The following NAALADL2 variants were observed in gnomAD, a reference collection of about 807,000 sequenced individuals.
The protein encoded by NAALADL2 is N-acetylated alpha-linked acidic dipeptidase like 2.
In NAALADL2, 76 loss-of-function variants were observed where a neutral mutation model predicts 87.2. The ratio of observed to expected loss-of-function variants is 0.87; its 90% CI spans 0.72 to 1.05. The LOEUF (loss-of-function observed/expected upper bound fraction) is 1.05. NAALADL2 is among the 50% of genes least tolerant of loss of function. NAALADL2 has a pLI of 0.00. For missense variants in NAALADL2, 1,089 were observed against 945.8 expected, an observed-to-expected ratio of 1.15 and a Z score of -1.99; for synonymous variants, 354 against 331.0, an observed-to-expected ratio of 1.07 and a Z score of -0.75.
chr3:175,578,010 C>T (rs887340002), intron 10 of NAALADL2, among the ~76,000 whole-genome samples: 7 of 151,900 alleles, frequency 4.6e-5, no homozygotes, highest in African/African-American at 7.3e-5. Flanking sequence ...CAAATATATA[C>T]GGAAAATAGA....
intron 3 of NAALADL2, among the ~76,000 whole-genome samples, chr3:174,772,627 T>C (rs146734514): frequency 5.2e-4 from 79 of 152,302 alleles, no homozygotes; most frequent in Middle Eastern, 3.4e-3. Flanking sequence ...AACATCATAA[T>C]AACTCTGACC....
chr3:174,882,885 A>G (rs1729593278), intron 1 of NAALADL2, among the ~76,000 whole-genome samples: 1 of 149,038 alleles, frequency 6.7e-6, no homozygotes, highest in South Asian at 2.1e-4. Context: ...GTATATGTGT[A>G]TATATGTATA....
intron 1 of NAALADL2, among the ~76,000 whole-genome samples, chr3:175,088,082 A>G (rs1391750148): frequency 1.3e-5 from 2 of 152,150 alleles, no homozygotes; most frequent in African/African-American, 4.8e-5. Context: ...TATAAAATTA[A>G]TATATATGAT....
intron 5 of NAALADL2, among the ~76,000 whole-genome samples, chr3:175,446,945 C>A (rs970095970): frequency 2.0e-4 from 31 of 152,100 alleles, no homozygotes; most frequent in African/African-American, 7.0e-4. Flanking sequence ...CTTTCTCATT[C>A]TTTTGTCATC....
intron 1 of NAALADL2, among the ~76,000 whole-genome samples, chr3:175,033,559 C>G (rs1397279987): frequency 6.6e-6 from 1 of 152,078 alleles, no homozygotes; most frequent in African/African-American, 2.4e-5. Flanking sequence ...CTCCAGGTGC[C>G]TGATCCCATA....
rs563717035 is a variant in NAALADL2 at position 175,247,521 on chromosome 3, A to G, written c.820-8890A>G. Among the ~76,000 whole-genome samples, 9 of 152,220 alleles carry G rather than the reference A, an allele frequency of 5.9e-5. 1 individual carries two copies. The East Asian group carries it at 1.4e-3, about 23-fold the overall frequency. ...AATCCGGGAAAGAGGGTGTATTTCT[A>G]ATAACAAGGAACAGCTAAATCCAAG... On this transcript the variant is annotated intron_variant, in intron 3 of 13. Transcript: ENST00000454872.
At chr3:175,499,325 C>G (rs1283460576) in intron 9 of NAALADL2, among the ~76,000 whole-genome samples, 1 of 152,100 alleles carries the variant, frequency 6.6e-6, no homozygotes, top group East Asian at 1.9e-4. Flanking sequence ...TTTCACCAAA[C>G]ATTTAAACTT....
chr3:175,089,825 G>C (rs1719742820), intron 1 of NAALADL2, among the ~76,000 whole-genome samples: 1 of 152,166 alleles, frequency 6.6e-6, no homozygotes, highest in African/African-American at 2.4e-5. Context: ...ACTGAGATCA[G>C]GCAAATGCTG....
chr3:174,674,773 A>T lies in NAALADL2; in HGVS notation c.-114-62868A>T, dbSNP rs141757922. Among the ~76,000 whole-genome samples, 711 of 151,696 alleles carry T rather than the reference A, an allele frequency of 4.7e-3. 1 individual carries two copies. Among genetic ancestry groups the T allele is most frequent in the Non-Finnish European group, 8.7e-3 (590 of 67,846 alleles). On this transcript the variant is annotated intron_variant, in intron 2 of 3. Coordinates refer to the NAALADL2 transcript ENST00000434257. ...TTCACTCTTTGTATGTTTTTTTCTG[A>T]CTTTCTCTTCTCATCCCAGAATCTA... is the stretch of plus-strand genomic sequence containing the variant.
chr3:174,610,344 A>T (rs928527202), intron 2 of NAALADL2, among the ~76,000 whole-genome samples: 3 of 151,840 alleles, frequency 2.0e-5, no homozygotes, highest in Non-Finnish European at 4.4e-5. Context: ...GAGCTTCTGC[A>T]CAGCAAAAGA....
chr3:175,020,354 C>T lies in NAALADL2; in HGVS notation c.44-76436C>T, dbSNP rs931753572. On this transcript the variant is annotated intron_variant, in intron 1 of 13. Transcript: ENST00000454872. The stretch of plus-strand genomic sequence containing the variant: ...TGAAAAGAATGCTTACAGTTCACAT[C>T]TGTGTTTCAAACTGATGTTTCTTCA... Among the ~76,000 whole-genome samples the T allele has an allele frequency of 4.6e-5, 7 of 152,074 alleles. 1 individual carries two copies. The highest frequency in any genetic ancestry group is 1.0e-4 in the Non-Finnish European group (7 of 67,974).
intron 3 of NAALADL2, among the ~76,000 whole-genome samples, chr3:174,774,919 C>T (rs1277778403): frequency 6.6e-6 from 1 of 152,102 alleles, no homozygotes; most frequent in East Asian, 1.9e-4. Flanking sequence ...ATTTTACATA[C>T]TTGGCTGTTG....
intron 3 of NAALADL2, among the ~76,000 whole-genome samples, chr3:174,853,226 A>AAAAAAAT (rs1725464416): frequency 6.8e-6 from 1 of 148,142 alleles, no homozygotes; most frequent in Non-Finnish European, 1.5e-5. Context: ...AAAAAAAAAA[A>AAAAAAAT]AATTAGCCGG....
rs867438743 is a variant in NAALADL2, at chr3:175,807,939, A to G, written c.*4736A>G. 9.9e-5 allele frequency: 15 copies of G among 152,080 alleles called. No homozygotes were observed. The South Asian group carries it at 2.7e-3, about 27-fold the overall frequency. 9.4% of individuals were successfully genotyped at this position (152,080 alleles called of 1,614,324 possible). ...AGGTGACATGAATTTGAAGCGTAGCAAAAGAAATGTATAAAGATAGCCTTT... is the reference window on the plus strand; with the variant it reads ...AGGTGACATGAATTTGAAGCGTAGCGAAAGAAATGTATAAAGATAGCCTTT... On this transcript the variant is annotated 3_prime_UTR_variant, in exon 14 of 14. Coordinates refer to ENST00000454872, the MANE Select transcript of NAALADL2 (RefSeq NM_207015.3).
chr3:175,763,695 G>A (rs1006406170), intron 13 of NAALADL2, among the ~76,000 whole-genome samples: 1 of 152,186 alleles, frequency 6.6e-6, no homozygotes, highest in Non-Finnish European at 1.5e-5. Context: ...TAACATGTGT[G>A]TAAGGTATAT....
At chr3:175,025,494 G>A (rs891850183) in intron 1 of NAALADL2, among the ~76,000 whole-genome samples, 19 of 152,094 alleles carry the variant, frequency 1.2e-4, no homozygotes, top group African/African-American at 4.3e-4. Flanking sequence ...ACTATATAGT[G>A]TGACTTTGTG....
chr3:175,519,266 G>C (rs759835106), intron 9 of NAALADL2, among the ~76,000 whole-genome samples: 2 of 152,170 alleles, frequency 1.3e-5, no homozygotes, highest in Non-Finnish European at 2.9e-5. Context: ...TTAGAAAAGC[G>C]GTTCTAGTTT....
intron 1 of NAALADL2, among the ~76,000 whole-genome samples, chr3:174,990,131 A>G (rs1746516547): frequency 6.6e-6 from 1 of 152,168 alleles, no homozygotes; most frequent in Admixed American, 6.5e-5. Flanking sequence ...TTAGAGAATT[A>G]AATTTCCGCA....
intron 10 of NAALADL2, among the ~76,000 whole-genome samples, chr3:175,613,485 C>A (rs560326905): frequency 6.6e-6 from 1 of 152,274 alleles, no homozygotes; most frequent in African/African-American, 2.4e-5. Flanking sequence ...ATGAAATGAA[C>A]ATACATTTTA....
Sources: gnomAD v4.1 joint callset for allele counts (sites outside exome capture counted in the v4.1 genomes callset) on GRCh38, gnomAD v4.1.1 for gene constraint, MANE v1.5 for transcripts, NCBI Gene and HGNC (gene_info 2026-07-23, HGNC 2026-07-21) for gene names.